The following SDC3 variants were observed in gnomAD, a reference collection of about 807,000 sequenced individuals.
SDC3 encodes the protein syndecan-3.
SDC3 carries 13 observed loss-of-function variants against 24.4 expected under a neutral mutation model. That is an observed-to-expected ratio of 0.53 (90% CI 0.35 to 0.85). The LOEUF is 0.85. SDC3 is among the 40% of genes least tolerant of loss of function. The pLI is 0.01. For missense variants in SDC3, 571 were observed against 584.5 expected (o/e 0.98, Z 0.24); for synonymous variants, 295 against 260.9 (o/e 1.13, Z -1.26).
chr1:30,900,561 C>T (rs1638394672), intron 1 of SDC3, among the ~76,000 whole-genome samples: 1 of 151,998 alleles, frequency 6.6e-6, no homozygotes, highest in Admixed American at 6.5e-5. Context: ...AATGCCCTTC[C>T]CCTGCTCCCA....
At chr1:30,875,759 C>T (rs994385480) in intron 3 of SDC3, among the ~76,000 whole-genome samples, 4 of 152,240 alleles carry the variant, frequency 2.6e-5, no homozygotes, top group African/African-American at 7.2e-5. Context: ...CCGGCTCTGG[C>T]ACCAACTGCC....
At chr1:30,877,204 G>A (rs1383191708) in intron 2 of SDC3, 39 bp from the exon 3 acceptor site, 1 of 1,612,666 alleles carries the variant, frequency 6.2e-7, no homozygotes, top group Non-Finnish European at 8.5e-7. Context: ...TAGGGAGCTG[G>A]GTGGTTGTGA....
At chr1:30,892,015 T>C (rs1218794325) in intron 1 of SDC3, among the ~76,000 whole-genome samples, 1 of 151,634 alleles carries the variant, frequency 6.6e-6, no homozygotes, top group Admixed American at 6.6e-5. Context: ...AACCCAGTGC[T>C]CACCCCCCCA....
intron 1 of SDC3, among the ~76,000 whole-genome samples, chr1:30,908,071 C>T (rs1046470941): frequency 6.6e-6 from 1 of 152,112 alleles, no homozygotes; most frequent in East Asian, 1.9e-4. Flanking sequence ...CCCGCTTCGT[C>T]CCCGGGGAGA....
intron 1 of SDC3, among the ~76,000 whole-genome samples, chr1:30,893,921 G>A (rs1448974173): frequency 6.6e-6 from 1 of 152,044 alleles, no homozygotes; most frequent in African/African-American, 2.4e-5. Flanking sequence ...AGGGTGCGGG[G>A]GAGTGAGAAG....
intron 1 of SDC3, 123 bp downstream of exon 1, chr1:30,908,326 G>A (rs1638572047): frequency 6.7e-6 from 3 of 448,958 alleles, no homozygotes; most frequent in South Asian, 1.9e-4. Flanking sequence ...CCGCGGCCCC[G>A]GGGGAAGCAG....
intron 4 of SDC3, 23 bp downstream of exon 4, chr1:30,874,274 T>C (rs1265730056): frequency 6.3e-7 from 1 of 1,578,422 alleles, no homozygotes; most frequent in Non-Finnish European, 8.6e-7. Flanking sequence ...CAGGCTCCCC[T>C]TGGCCCAGAC....
intron 1 of SDC3, among the ~76,000 whole-genome samples, chr1:30,884,668 G>A (rs1189792955): frequency 6.6e-6 from 1 of 152,090 alleles, no homozygotes; most frequent in African/African-American, 2.4e-5. Flanking sequence ...CAAGACCGTG[G>A]ACAAATCCTC....
chr1:30,881,932 C>T (rs1639751029), intron 1 of SDC3, among the ~76,000 whole-genome samples: 1 of 152,184 alleles, frequency 6.6e-6, no homozygotes, highest in African/African-American at 2.4e-5. Context: ...TGCCCTCACC[C>T]CCTGCATGAC....
At chr1:30,878,421 G>T in intron 2 of SDC3, 1 of 531,432 alleles carries the variant, frequency 1.9e-6, no homozygotes, top group South Asian at 2.7e-5. Flanking sequence ...TGGGCCCTGA[G>T]GTCCTCCCAG....
At chr1:30,884,718 T>C (rs1476767914) in intron 1 of SDC3, among the ~76,000 whole-genome samples, 1 of 152,114 alleles carries the variant, frequency 6.6e-6, no homozygotes, top group Non-Finnish European at 1.5e-5. Flanking sequence ...ATTTGCAAAA[T>C]GGAAAACCAA....
intron 1 of SDC3, among the ~76,000 whole-genome samples, chr1:30,888,374 GAGGGGGCTCC>G (rs1639860856): frequency 6.6e-6 from 1 of 152,204 alleles, no homozygotes; most frequent in Non-Finnish European, 1.5e-5. Flanking sequence ...GAAGCCAGGT[GAGGGGGCTCC>G]AGGGACCTCG....
At chr1:30,894,259 G>T (rs1639953131) in intron 1 of SDC3, among the ~76,000 whole-genome samples, 1 of 149,190 alleles carries the variant, frequency 6.7e-6, no homozygotes, top group Non-Finnish European at 1.5e-5. Flanking sequence ...ATGAGTATGT[G>T]TGTGTGTGGG....
intron 1 of SDC3, among the ~76,000 whole-genome samples, chr1:30,897,711 C>T (rs528350821): frequency 2.0e-5 from 3 of 152,306 alleles, no homozygotes; most frequent in Non-Finnish European, 4.4e-5. Flanking sequence ...GGGCAGGCTG[C>T]TTGGATTCAA....
chr1:30,892,990 C>T (rs1037764102), intron 1 of SDC3, among the ~76,000 whole-genome samples: 1 of 152,198 alleles, frequency 6.6e-6, no homozygotes, highest in African/African-American at 2.4e-5. Context: ...GCCCCCTCCC[C>T]TATAGGGAGC....
intron 1 of SDC3, among the ~76,000 whole-genome samples, chr1:30,889,813 G>A (rs985016726): frequency 3.7e-4 from 56 of 152,090 alleles, no homozygotes; most frequent in Non-Finnish European, 7.1e-4. Flanking sequence ...AATGTTAAAT[G>A]GAGTTTCCAT....
At chr1:30,893,180 C>T (rs1326080981) in intron 1 of SDC3, among the ~76,000 whole-genome samples, 1 of 151,952 alleles carries the variant, frequency 6.6e-6, no homozygotes, top group African/African-American at 2.4e-5. Context: ...GGGGAATCGG[C>T]CCATGCAATC....
intron 3 of SDC3, 101 bp downstream of exon 3, chr1:30,876,449 CTA>C: frequency 9.6e-7 from 1 of 1,041,646 alleles, no homozygotes; most frequent in East Asian, 2.6e-5. Context: ...TGGCTCATCT[CTA>C]TAGCCTCCTG....
At chr1:30,908,086 T>TC (rs945271581) in intron 1 of SDC3, among the ~76,000 whole-genome samples, 3 of 151,104 alleles carry the variant, frequency 2.0e-5, no homozygotes, top group African/African-American at 7.3e-5. Flanking sequence ...GGGAGACAGT[T>TC]CCCGGAGCCA....
Sources: gnomAD v4.1 joint callset for allele counts (sites outside exome capture counted in the v4.1 genomes callset) on GRCh38, gnomAD v4.1.1 for gene constraint, MANE v1.5 for transcripts, NCBI Gene and HGNC (gene_info 2026-07-23, HGNC 2026-07-21) for gene names.